The following VPS13C variants were observed in gnomAD, a reference collection of about 807,000 sequenced individuals.
The protein encoded by VPS13C is intermembrane lipid transfer protein VPS13C.
VPS13C carries 358 observed loss-of-function variants against 456.8 expected under a neutral mutation model. The observed-to-expected ratio is 0.78, with a 90% confidence interval of 0.72 to 0.86. VPS13C has a LOEUF of 0.86. Ranked by LOEUF, VPS13C falls within the 40% of genes least tolerant of loss-of-function variation. The probability of loss-of-function intolerance (pLI) is 0.00; values close to 1 mark genes in which losing one functional copy is unlikely to be tolerated. For synonymous variants in VPS13C, 1,578 were observed against 1,486.7 expected, an observed-to-expected ratio of 1.06 and a Z score of -1.41; for missense variants, 4,818 against 4,385.4, an observed-to-expected ratio of 1.10 and a Z score of -2.79.
At chr15:61,917,192 G>A in intron 60 of VPS13C, 149 bp downstream of exon 60, 1 of 808,090 alleles carries the variant, frequency 1.2e-6, no homozygotes, top group Non-Finnish European at 1.9e-6. Flanking sequence ...TAAATGTTAT[G>A]CCAGTTTTTG....
intron 52 of VPS13C, 98 bp from the exon 53 acceptor site, chr15:61,925,646 C>T: frequency 1.2e-6 from 1 of 803,676 alleles, no homozygotes; most frequent in South Asian, 3.8e-5. Context: ...GGATCTTTAA[C>T]TACAGCCTGC....
chr15:61,858,662 C>T lies in VPS13C; in HGVS notation c.10953-2253G>A, dbSNP rs138206498. 2.0e-3 allele frequency among the ~76,000 whole-genome samples: 298 copies of T among 152,226 alleles called. No individual in the cohort carries two copies. Among genetic ancestry groups the T allele is most frequent in the African/African-American group, 6.6e-3 (276 of 41,536 alleles). ...AGCAAAAATAGTTTATGTAGGTGGG[C>T]CTGACCTAAGTTCATGGACTATAAA... On this transcript the variant is annotated intron_variant, in intron 82 of 84. Coordinates refer to ENST00000644861, the MANE Select transcript of VPS13C (RefSeq NM_020821.3). This position sits in a 1 kb window ranked among gnomAD's most constrained non-coding sequence, Gnocchi z 4.4.
chr15:61,867,716 T>G lies in VPS13C; in HGVS notation c.10863+943A>C, dbSNP rs1596270558. On this transcript the variant is annotated intron_variant, in intron 81 of 84. Coordinates refer to ENST00000644861, the MANE Select transcript of VPS13C (RefSeq NM_020821.3). The surrounding 1 kb of genome is among the most constrained non-coding windows in gnomAD (Gnocchi z 5.0). ...ATTCTCTGCATCCTTTAATATTTTATACTAATCTCTTATTTCTGGACAGTA... is the reference window on the plus strand; with the variant it reads ...ATTCTCTGCATCCTTTAATATTTTAGACTAATCTCTTATTTCTGGACAGTA... The G allele has an allele frequency of 7.2e-7, 1 of 1,392,302 alleles. No individual in the cohort carries two copies. Among genetic ancestry groups the G allele is most frequent in the Non-Finnish European group, 9.3e-7 (1 of 1,074,182 alleles). 86.2% of individuals were successfully genotyped at this position (1,392,302 alleles called of 1,614,324 possible).
intron 1 of VPS13C, among the ~76,000 whole-genome samples, chr15:62,059,785 A>G (rs969603317): frequency 6.6e-6 from 1 of 152,218 alleles, no homozygotes; most frequent in African/African-American, 2.4e-5. Context: ...GTAATCCTAA[A>G]GAGAAGGAAC....
At chr15:62,034,817 C>A in intron 4 of VPS13C, 140 bp downstream of exon 4, 1 of 495,766 alleles carries the variant, frequency 2.0e-6, no homozygotes. Flanking sequence ...TAAAAGTATG[C>A]ATATAAGTGC....
intron 12 of VPS13C, among the ~76,000 whole-genome samples, chr15:62,011,842 G>A (rs984351939): frequency 1.4e-4 from 22 of 151,910 alleles, no homozygotes; most frequent in African/African-American, 4.8e-4. Context: ...AGCAAGCTAA[G>A]AAGAATACAT....
chr15:61,886,415 C>A (rs1267335658), intron 67 of VPS13C, among the ~76,000 whole-genome samples: 1 of 151,996 alleles, frequency 6.6e-6, no homozygotes, highest in Non-Finnish European at 1.5e-5. Context: ...GAAGATCATA[C>A]ACATTTCATT....
chr15:61,980,257 G>C (rs146392343), intron 22 of VPS13C, among the ~76,000 whole-genome samples: 42 of 147,078 alleles, frequency 2.9e-4, no homozygotes, highest in Admixed American at 4.7e-4. Flanking sequence ...CCATCTTAAG[G>C]ACAAATCACA....
At chr15:61,865,878 C>G (rs994966879) in intron 81 of VPS13C, 8 of 958,400 alleles carry the variant, frequency 8.3e-6, no homozygotes, top group Non-Finnish European at 9.9e-6. Context: ...CAGTAACTCT[C>G]AAAGCTGCAT....
At chr15:61,860,564 T>C (rs943064476) in intron 82 of VPS13C, among the ~76,000 whole-genome samples, 1 of 152,110 alleles carries the variant, frequency 6.6e-6, no homozygotes, top group East Asian at 1.9e-4. Context: ...AAATGTCCAA[T>C]AGTGAGGGAG....
At chr15:61,909,696 CT>C (rs1213233760) in intron 64 of VPS13C, among the ~76,000 whole-genome samples, 3 of 152,202 alleles carry the variant, frequency 2.0e-5, no homozygotes, top group African/African-American at 7.2e-5. Context: ...AAAACTTCAT[CT>C]ATGTCCCTAC....
chr15:62,000,722 A>G (rs2046582930), intron 15 of VPS13C, 96 bp from the exon 16 acceptor site: 1 of 913,376 alleles, frequency 1.1e-6, no homozygotes, highest in Non-Finnish European at 1.6e-6. Context: ...GTCCATTATC[A>G]GTACCTGTGA....
At chr15:62,037,289 T>G (rs1209016975) in intron 3 of VPS13C, among the ~76,000 whole-genome samples, 1 of 71,050 alleles carries the variant, frequency 1.4e-5, no homozygotes, top group African/African-American at 6.7e-5. Flanking sequence ...TTATATATAT[T>G]ATATTATATA....
intron 66 of VPS13C, among the ~76,000 whole-genome samples, chr15:61,893,327 T>C (rs761711966): frequency 4.6e-5 from 7 of 152,162 alleles, no homozygotes; most frequent in African/African-American, 7.2e-5. Flanking sequence ...TGGGACAACA[T>C]ACTCAAAGTG....
chr15:62,007,985 A>G (rs957756800), intron 14 of VPS13C, among the ~76,000 whole-genome samples: 7 of 152,140 alleles, frequency 4.6e-5, no homozygotes, highest in Non-Finnish European at 8.8e-5. Flanking sequence ...TCACGCCTGT[A>G]ATCCCAGCAC....
At chr15:61,911,481 A>T (rs761114704) in intron 63 of VPS13C, among the ~76,000 whole-genome samples, 1 of 152,192 alleles carries the variant, frequency 6.6e-6, no homozygotes, top group Non-Finnish European at 1.5e-5. Context: ...ATCTCTCCAC[A>T]TGCAGACTTT....
intron 11 of VPS13C, 68 bp downstream of exon 11, chr15:62,012,970 GC>G: frequency 9.6e-7 from 1 of 1,047,052 alleles, no homozygotes. Context: ...CCTCATGAAG[GC>G]CCTCTTATAT....
chr15:62,005,423 G>A (rs1387870501), intron 15 of VPS13C, among the ~76,000 whole-genome samples: 1 of 152,090 alleles, frequency 6.6e-6, no homozygotes, highest in Non-Finnish European at 1.5e-5. Flanking sequence ...CTGCACGTGA[G>A]ATGGGTTTCC....
rs2140864802 is a variant in VPS13C at position 61,867,995 on chromosome 15, A to C, written c.10863+664T>G. On this transcript the variant is annotated intron_variant, in intron 81 of 84. Coordinates refer to ENST00000644861, the MANE Select transcript of VPS13C (RefSeq NM_020821.3). The surrounding 1 kb of genome is among the most constrained non-coding windows in gnomAD (Gnocchi z 5.0). ...AAAATAAAGTTAGAAGCATGCAGAA[A>C]GATAGATAAAACGTAATCATATACA... 2 of 1,276,076 alleles carry C rather than the reference A, an allele frequency of 1.6e-6. No individual in the cohort carries two copies. Among genetic ancestry groups the C allele is most frequent in the Non-Finnish European group, 2.3e-6 (2 of 880,302 alleles). 79.0% of individuals were successfully genotyped at this position (1,276,076 alleles called of 1,614,324 possible).
Sources: allele counts gnomAD v4.1 joint callset (sites outside exome capture counted in the v4.1 genomes callset), GRCh38; gene constraint gnomAD v4.1.1; non-coding constraint Gnocchi (gnomAD v3.1); transcripts MANE v1.5; gene names NCBI Gene and HGNC (gene_info 2026-07-23, HGNC 2026-07-21).